NEK10: variants seen among roughly 807,000 people sequenced by gnomAD.
NEK10 encodes the protein serine/threonine-protein kinase Nek10.
In NEK10, 122 loss-of-function variants were observed where a neutral mutation model predicts 159.8. The ratio of observed to expected loss-of-function variants is 0.76; its 90% CI spans 0.66 to 0.89. NEK10 has a LOEUF of 0.89. Among genes scored for constraint, NEK10 ranks in the 40% least tolerant of loss-of-function variants. The pLI, the probability that NEK10 is intolerant of heterozygous loss-of-function variation, is 0.00. For synonymous variants in NEK10, 466 were observed against 457.1 expected (o/e 1.02, Z -0.25); for missense variants, 1,342 against 1,323.1 (o/e 1.01, Z -0.22).
rs151007437 is a variant in NEK10, at chr3:27,217,009, T to G, written c.2091-14452A>C. ...AATAAAGAGAAAAAACCAAAAACTT[T>G]GAAATAAAAAACATTTTATAAATTA... On this transcript the variant is annotated intron_variant, in intron 23 of 35. Coordinates refer to ENST00000691995, the MANE Select transcript of NEK10 (RefSeq NM_001394966.1). Among the ~76,000 whole-genome samples the G allele has an allele frequency of 1.8e-3, 276 of 152,224 alleles. 4 individuals carry two copies. Among genetic ancestry groups the G allele is most frequent in the East Asian group, 4.8e-3 (25 of 5,174 alleles).
chr3:27,296,335 A>G (rs1417894596), intron 14 of NEK10, among the ~76,000 whole-genome samples: 1 of 152,188 alleles, frequency 6.6e-6, no homozygotes, highest in African/African-American at 2.4e-5. Context: ...TTTATACATG[A>G]GAAAACCAAT....
At chr3:27,152,017 A>G (rs1398405590) in intron 30 of NEK10, among the ~76,000 whole-genome samples, 2 of 152,208 alleles carry the variant, frequency 1.3e-5, no homozygotes, top group Non-Finnish European at 2.9e-5. Context: ...CAATACCAAG[A>G]ATAATTGGTA....
chr3:27,325,199 G>A (rs751642458), intron 5 of NEK10, among the ~76,000 whole-genome samples: 1 of 152,188 alleles, frequency 6.6e-6, no homozygotes, highest in Non-Finnish European at 1.5e-5. Flanking sequence ...TGCCCTTCAA[G>A]CTAGTTCCAT....
intron 22 of NEK10, among the ~76,000 whole-genome samples, chr3:27,257,204 A>G (rs1319711103): frequency 6.6e-6 from 1 of 152,152 alleles, no homozygotes; most frequent in African/African-American, 2.4e-5. Flanking sequence ...GTGAGCCACC[A>G]GGCCCAGCCT....
intron 31 of NEK10, among the ~76,000 whole-genome samples, chr3:27,136,024 T>A (rs1052508529): frequency 1.3e-5 from 2 of 152,048 alleles, no homozygotes; most frequent in South Asian, 4.1e-4. Context: ...TTTTTTTCCA[T>A]TGGCAATAAC....
chr3:27,313,920 C>G (rs2044926818), intron 7 of NEK10, among the ~76,000 whole-genome samples: 1 of 152,132 alleles, frequency 6.6e-6, no homozygotes, highest in Admixed American at 6.6e-5. Flanking sequence ...CCATGTTGGC[C>G]AGGCTGGTCT....
At chr3:27,337,670 A>G (rs1042783194) in intron 5 of NEK10, among the ~76,000 whole-genome samples, 7 of 152,314 alleles carry the variant, frequency 4.6e-5, no homozygotes, top group African/African-American at 1.7e-4. Flanking sequence ...ATTGATTTTT[A>G]ACAAAGGCAC....
rs1444213242 is a variant in NEK10, at chr3:27,110,932, T to G, written c.*340A>C. 1 of 193,634 alleles carries G rather than the reference T, an allele frequency of 5.2e-6. No homozygotes were observed. Among genetic ancestry groups the G allele is most frequent in the Non-Finnish European group, 1.0e-5 (1 of 95,856 alleles). 12.0% of individuals were successfully genotyped at this position (193,634 alleles called of 1,614,324 possible). ...TTTGAAAAATATGACAAGTTTTTTT[T>G]AATGTTAAGGAAAATTCTGTAAGAG... On this transcript the variant is annotated 3_prime_UTR_variant, in exon 36 of 36. Transcript: ENST00000691995.
At chr3:27,170,249 C>T (rs1205470310) in intron 29 of NEK10, among the ~76,000 whole-genome samples, 1 of 152,206 alleles carries the variant, frequency 6.6e-6, no homozygotes, top group East Asian at 1.9e-4. Flanking sequence ...CTGAAGAGCC[C>T]TGCCTGGCAT....
chr3:27,235,346 T>A (rs971028503), intron 23 of NEK10, among the ~76,000 whole-genome samples: 7 of 152,026 alleles, frequency 4.6e-5, no homozygotes, highest in African/African-American at 1.7e-4. Flanking sequence ...GAATGGGAGA[T>A]AATTTTTGCA....
At chr3:27,301,644 T>C (rs917253536) in intron 13 of NEK10, 52 bp downstream of exon 13, 1 of 1,357,314 alleles carries the variant, frequency 7.4e-7, no homozygotes, top group African/African-American at 1.4e-5. Flanking sequence ...TGATAGTGAA[T>C]AATAATACAA....
intron 23 of NEK10, among the ~76,000 whole-genome samples, chr3:27,247,175 TG>T (rs1955160632): frequency 1.3e-5 from 2 of 152,234 alleles, no homozygotes; most frequent in African/African-American, 4.8e-5. Context: ...ATAACAATGA[TG>T]AAAGTTAACA....
intron 20 of NEK10, among the ~76,000 whole-genome samples, chr3:27,285,875 T>C (rs549167035): frequency 1.3e-5 from 2 of 152,270 alleles, no homozygotes; most frequent in South Asian, 4.1e-4. Context: ...TTGCACAATA[T>C]GGGTATACCA....
At chr3:27,231,539 G>T (rs1046236654) in intron 23 of NEK10, among the ~76,000 whole-genome samples, 2 of 151,586 alleles carry the variant, frequency 1.3e-5, no homozygotes, top group East Asian at 3.9e-4. Context: ...AAGTACAAAA[G>T]ATAAATGAAA....
chr3:27,214,050 C>T (rs1344653513), intron 23 of NEK10, among the ~76,000 whole-genome samples: 1 of 152,148 alleles, frequency 6.6e-6, no homozygotes, highest in Admixed American at 6.5e-5. Context: ...CTCCACAATC[C>T]CATATCTTAA....
Position 27,166,600 on chromosome 3 carries a change from G to T in NEK10, c.2832-3862C>A, listed in dbSNP as rs9819568. ...AGATCCACAGGTCCTGAAAATACAC[G>T]AGGTCTTTCCAGTCACAAATATGAA... On this transcript the variant is annotated intron_variant, in intron 29 of 35. Transcript: ENST00000691995. 7.6e-3 allele frequency among the ~76,000 whole-genome samples: 1,161 copies of T among 152,254 alleles called. 13 individuals are homozygous for T. Among genetic ancestry groups the T allele is most frequent in the African/African-American group, 0.027 (1,109 of 41,538 alleles).
intron 5 of NEK10, among the ~76,000 whole-genome samples, chr3:27,337,834 T>C (rs1030011488): frequency 6.6e-6 from 1 of 152,112 alleles, no homozygotes; most frequent in Non-Finnish European, 1.5e-5. Context: ...AACATTAAGA[T>C]TCAAAACTAT....
chr3:27,191,242 G>T (rs1553667028), intron 26 of NEK10, among the ~76,000 whole-genome samples: 1 of 151,974 alleles, frequency 6.6e-6, no homozygotes, highest in Non-Finnish European at 1.5e-5. Context: ...TAATGACCAG[G>T]TACCCTAAGA....
chr3:27,260,544 C>A (rs923918344), intron 22 of NEK10, among the ~76,000 whole-genome samples: 10 of 152,102 alleles, frequency 6.6e-5, no homozygotes, highest in Non-Finnish European at 1.0e-4. Context: ...GTATGTTGAA[C>A]CAGCCTTGCA....
Sources: gnomAD v4.1 joint callset for allele counts (sites outside exome capture counted in the v4.1 genomes callset) on GRCh38, gnomAD v4.1.1 for gene constraint, MANE v1.5 for transcripts, NCBI Gene and HGNC (gene_info 2026-07-23, HGNC 2026-07-21) for gene names.